The following SI variants were observed in gnomAD, a reference collection of about 807,000 sequenced individuals.
SI encodes the protein sucrase-isomaltase, intestinal.
Under a neutral mutation model 253.3 loss-of-function variants are expected in SI, and 235 were observed. The observed-to-expected ratio is 0.93, with a 90% CI of 0.83 to 1.03. The LOEUF (loss-of-function observed/expected upper bound fraction) is 1.03, where lower values mean the gene tolerates loss of function less well. Ranked by LOEUF, SI falls within the 50% of genes least tolerant of loss-of-function variation. SI has a pLI of 0.00. For missense variants in SI, 2,442 were observed against 2,211.1 expected (o/e 1.10, Z -2.09); for synonymous variants, 819 against 712.0 (o/e 1.15, Z -2.39).
chr3:165,048,689 C>T (rs938331359), intron 15 of SI, among the ~76,000 whole-genome samples: 1 of 151,566 alleles, frequency 6.6e-6, no homozygotes, highest in East Asian at 1.9e-4. Context: ...ATGATCTCGG[C>T]TCACTGCAAC....
intron 3 of SI, among the ~76,000 whole-genome samples, chr3:165,073,171 TC>T (rs1205406346): frequency 0.011 from 4 of 366 alleles, no homozygotes; most frequent in Admixed American, 0.019. Flanking sequence ...TTCAATCATT[TC>T]TCTCTCTCTC....
rs1429991574 is a variant in SI at position 165,074,633 on chromosome 3, A to G, written c.153T>C (p.Thr51=). Residue 51 remains threonine (T), a synonymous_variant, in exon 3 of 48, where the codon ACT becomes ACC. Transcript: ENST00000264382. ...ISDSTSTPAT[T]RVTTNPSDSG... ...AATCAGAAGGATTTGTAGTCACACGAGTAGTAGCTGGAGTTGAAGTAGAAT... is the reference window on the plus strand; with the variant it reads ...AATCAGAAGGATTTGTAGTCACACGGGTAGTAGCTGGAGTTGAAGTAGAAT... 2.5e-6 allele frequency: 4 copies of G among 1,610,766 alleles called. No homozygotes were observed. The highest frequency in any genetic ancestry group is 1.7e-4 in the Middle Eastern group (1 of 6,032).
At chr3:164,996,708 T>C (rs1487128727) in intron 39 of SI, 30 bp downstream of exon 39, 1 of 1,250,426 alleles carries the variant, frequency 8.0e-7, no homozygotes, top group Non-Finnish European at 1.2e-6. Context: ...GTTTATAATT[T>C]ATGAAGATAA....
chr3:164,998,322 C>T (rs182727454), intron 38 of SI, among the ~76,000 whole-genome samples: 14 of 151,850 alleles, frequency 9.2e-5, no homozygotes, highest in African/African-American at 2.6e-4. Context: ...ACAATGACAC[C>T]ATTTCCTCAA....
At chr3:165,038,435 C>G (rs925889703) in intron 20 of SI, among the ~76,000 whole-genome samples, 1 of 151,410 alleles carries the variant, frequency 6.6e-6, no homozygotes, top group East Asian at 1.9e-4. Flanking sequence ...GCAGGCCAGG[C>G]GCAGTGGCTC....
chr3:165,079,318 C>A (rs1448379598), upstream of SI, among the ~76,000 whole-genome samples: 1 of 151,498 alleles, frequency 6.6e-6, no homozygotes. Flanking sequence ...TTATTGACCC[C>A]AATTTGACTC....
rs531018320 is a variant in SI, at chr3:165,044,213, C to T, written c.1888-1038G>A. On this transcript the variant is annotated intron_variant, in intron 16 of 47. Transcript: ENST00000264382. Reference sequence around the variant, plus strand: ...CTGAAAATACCTGAAATCTGAAACTCTTCTGGTCCCACACATTTTGGATAG... The same window carrying T: ...CTGAAAATACCTGAAATCTGAAACTTTTCTGGTCCCACACATTTTGGATAG... Among the ~76,000 whole-genome samples the T allele has an allele frequency of 2.6e-4, 39 of 152,040 alleles. No individual in the cohort carries two copies. The South Asian group carries it at 7.5e-3, about 29-fold the overall frequency.
chr3:165,012,894 G>A, intron 34 of SI, 86 bp downstream of exon 34: 3 of 858,418 alleles, frequency 3.5e-6, no homozygotes, highest in Non-Finnish European at 6.1e-6. Context: ...TTAAAGAAAA[G>A]CATTCAAATT....
intron 45 of SI, among the ~76,000 whole-genome samples, chr3:164,986,774 A>T (rs1186801768): frequency 6.6e-6 from 1 of 152,174 alleles, no homozygotes. Context: ...AATATTTTGC[A>T]CATATAATAA....
chr3:165,089,228 A>T, the SI span, among the ~76,000 whole-genome samples: 3 of 152,170 alleles, frequency 2.0e-5, no homozygotes, highest in Non-Finnish European at 2.9e-5. Context: ...GACGGAAGTG[A>T]TAAAGATATA....
At position 164,983,020 on chromosome 3, in the gene SI, T is replaced by C. The variant is rs547324596; in HGVS notation, c.5229A>G (p.Val1743=). The C allele has an allele frequency of 3.2e-6, 5 of 1,546,480 alleles. No individual in the cohort carries two copies. Among genetic ancestry groups the C allele is most frequent in the Non-Finnish European group, 4.4e-6 (5 of 1,127,330 alleles). The change falls in exon 46 of 48, where the codon GTA becomes GTG. Residue 1743 remains valine (V), a synonymous_variant. Coordinates refer to ENST00000264382, the MANE Select transcript of SI (RefSeq NM_001041.4). ...TACATACCTGGTTTAAATTAAATTG[T>C]ACAGATAAATATAGGTCTCTTTCAT... ...DTYERDLYLS[V]QFNLNQTTLT... is the part of the protein sequence containing the mutation.
At chr3:164,997,704 A>G (rs968450711) in intron 38 of SI, among the ~76,000 whole-genome samples, 1 of 151,726 alleles carries the variant, frequency 6.6e-6, no homozygotes, top group African/African-American at 2.4e-5. Context: ...ATGTGTACAC[A>G]GTGTTTAGCT....
rs189196981 is a variant in SI at position 165,038,480 on chromosome 3, C to T, written c.2302-456G>A. Among the ~76,000 whole-genome samples, 178 of 150,660 alleles carry T rather than the reference C, an allele frequency of 1.2e-3. 1 individual carries two copies. Among genetic ancestry groups the T allele is most frequent in the Middle Eastern group, 6.9e-3 (2 of 290 alleles). On this transcript the variant is annotated intron_variant, in intron 20 of 47. Transcript: ENST00000264382. Reference sequence around the variant, plus strand: ...ATTCCAGCACTTTGGGAGGCCATGGCGGGCGGATCACAAGGTCAGGAGATC... The same window carrying T: ...ATTCCAGCACTTTGGGAGGCCATGGTGGGCGGATCACAAGGTCAGGAGATC...
At chr3:165,020,086 T>G (rs1711519202) in intron 27 of SI, among the ~76,000 whole-genome samples, 1 of 151,748 alleles carries the variant, frequency 6.6e-6, no homozygotes, top group South Asian at 2.1e-4. Flanking sequence ...AATGACTTAG[T>G]AATGTGTGAC....
intron 13 of SI, 99 bp from the exon 14 acceptor site, chr3:165,049,974 C>A: frequency 1.3e-6 from 1 of 762,324 alleles, no homozygotes; most frequent in Non-Finnish European, 2.3e-6. Flanking sequence ...TATAAGATAA[C>A]CATAATGCTC....
chr3:164,981,661 G>T (rs1717196159), intron 47 of SI, among the ~76,000 whole-genome samples: 1 of 152,106 alleles, frequency 6.6e-6, no homozygotes, highest in Admixed American at 6.6e-5. Context: ...TAGATTCACA[G>T]AATTTAGAAC....
chr3:164,983,744 C>T (rs1310306426), intron 45 of SI, among the ~76,000 whole-genome samples: 1 of 151,950 alleles, frequency 6.6e-6, no homozygotes, highest in Non-Finnish European at 1.5e-5. Context: ...CATGCACTAC[C>T]ATGCCTGGCT....
intron 14 of SI, 115 bp from the exon 15 acceptor site, chr3:165,049,359 T>G: frequency 1.4e-6 from 1 of 729,694 alleles, no homozygotes; most frequent in East Asian, 2.7e-5. Context: ...CCATATTTGG[T>G]TAAAAACAAT....
Position 165,073,598 on chromosome 3 carries a change from A to G in SI, c.255+933T>C, listed in dbSNP as rs147923589. 4.4e-3 allele frequency among the ~76,000 whole-genome samples: 664 copies of G among 152,222 alleles called. 2 individuals are homozygous for G. Among genetic ancestry groups the G allele is most frequent in the African/African-American group, 0.015 (621 of 41,566 alleles). ...GGTAAGGTGGAGTGGAGAAGGTGAC[A>G]TTTGTAATTGCATATCATATTTGCA... On this transcript the variant is annotated intron_variant, in intron 3 of 47. Coordinates refer to ENST00000264382, the MANE Select transcript of SI (RefSeq NM_001041.4).
Sources: gnomAD v4.1 joint callset for allele counts (sites outside exome capture counted in the v4.1 genomes callset) on GRCh38, gnomAD v4.1.1 for gene constraint, MANE v1.5 for transcripts, NCBI Gene and HGNC (gene_info 2026-07-23, HGNC 2026-07-21) for gene names.